GPHN: variants seen among roughly 807,000 people sequenced by gnomAD.
GPHN encodes the protein gephyrin.
GPHN carries 17 observed loss-of-function variants against 95.5 expected under a neutral mutation model. The ratio of observed to expected loss-of-function variants is 0.18; its 90% confidence interval spans 0.12 to 0.27. The LOEUF is 0.27. GPHN is among the 10% of genes least tolerant of loss of function. The pLI, the probability that GPHN is intolerant of heterozygous loss-of-function variation, is 1.00. For missense variants in GPHN, 660 were observed against 978.1 expected (o/e 0.67, Z 4.34); for synonymous variants, 320 against 322.5 (o/e 0.99, Z 0.08).
chr14:67,588,439 G>A, the GPHN span: 1 of 152,414 alleles, frequency 6.6e-6, no homozygotes, highest in Non-Finnish European at 1.5e-5. Context: ...ATTAGTTTGA[G>A]GGTGAGGGTA....
the GPHN span, among the ~76,000 whole-genome samples, chr14:67,429,890 A>C: frequency 6.6e-6 from 1 of 152,186 alleles, no homozygotes; most frequent in Non-Finnish European, 1.5e-5. Flanking sequence ...TAACAGCTTT[A>C]AGAGCTCTGT....
chr14:67,175,709 A>G (rs1257058258), intron 21 of GPHN, among the ~76,000 whole-genome samples: 10 of 152,172 alleles, frequency 6.6e-5, no homozygotes, highest in Admixed American at 6.6e-4. Context: ...CCTATCCATG[A>G]GCATGGAATG....
chr14:67,234,969 A>C, the GPHN span, among the ~76,000 whole-genome samples: 2 of 149,878 alleles, frequency 1.3e-5, no homozygotes, highest in Non-Finnish European at 3.0e-5. Context: ...CAGCCTGGCC[A>C]ACATGGCAAA....
intron 16 of GPHN, among the ~76,000 whole-genome samples, chr14:67,114,854 C>G (rs2078584534): frequency 1.3e-5 from 2 of 152,084 alleles, no homozygotes; most frequent in African/African-American, 2.4e-5. Context: ...TTTAAGCTAC[C>G]TTTTACACTC....
At chr14:67,378,024 G>A in the GPHN span, among the ~76,000 whole-genome samples, 16 of 152,130 alleles carry the variant, frequency 1.1e-4, no homozygotes, top group African/African-American at 3.4e-4. Flanking sequence ...GCTGAGGCAG[G>A]AGGATCACTT....
At chr14:67,111,763 A>G (rs371378442) in intron 14 of GPHN, 98 bp from the exon 15 acceptor site, 24 of 871,674 alleles carry the variant, frequency 2.8e-5, no homozygotes, top group Middle Eastern at 4.3e-4. Flanking sequence ...CTATATTTGT[A>G]TATATCCTGG....
At chr14:66,686,062 T>C (rs1478175596) in intron 2 of GPHN, among the ~76,000 whole-genome samples, 2 of 152,208 alleles carry the variant, frequency 1.3e-5, no homozygotes, top group Non-Finnish European at 2.9e-5. Flanking sequence ...GTTGTAGATG[T>C]GTGGCATTAT....
the GPHN span, among the ~76,000 whole-genome samples, chr14:67,624,991 C>T: frequency 1.3e-5 from 2 of 152,122 alleles, no homozygotes; most frequent in Admixed American, 6.6e-5. Flanking sequence ...AAAGGGAGAA[C>T]AGAGGTGATA....
intron 2 of GPHN, among the ~76,000 whole-genome samples, chr14:66,744,874 A>G (rs2058079584): frequency 6.6e-6 from 1 of 151,988 alleles, no homozygotes; most frequent in Admixed American, 6.6e-5. Flanking sequence ...TTATTTACTT[A>G]TAAGGATTTA....
At chr14:66,662,134 C>G (rs2065697822) in intron 1 of GPHN, among the ~76,000 whole-genome samples, 1 of 152,146 alleles carries the variant, frequency 6.6e-6, no homozygotes, top group Admixed American at 6.5e-5. Context: ...AAGTGGTACA[C>G]CCACACAGCA....
chr14:66,682,734 A>C (rs1185543759), intron 2 of GPHN, among the ~76,000 whole-genome samples: 1 of 152,148 alleles, frequency 6.6e-6, no homozygotes, highest in Non-Finnish European at 1.5e-5. Flanking sequence ...TGGGCGACAG[A>C]GCGAGGCTCC....
chr14:67,687,632 C>T, the GPHN span, among the ~76,000 whole-genome samples: 18 of 151,824 alleles, frequency 1.2e-4, no homozygotes, highest in Admixed American at 8.5e-4. Flanking sequence ...CCAACATGCC[C>T]GGCTAATTTT....
the GPHN span, among the ~76,000 whole-genome samples, chr14:67,315,075 CAG>C: frequency 6.6e-6 from 1 of 151,932 alleles, no homozygotes; most frequent in African/African-American, 2.4e-5. Flanking sequence ...ACCAGTGTAA[CAG>C]AGCAGTCTCA....
At chr14:67,305,641 A>G in the GPHN span, among the ~76,000 whole-genome samples, 1 of 152,258 alleles carries the variant, frequency 6.6e-6, no homozygotes. Flanking sequence ...ATTCTGTAAA[A>G]GAAAAGCCAT....
At chr14:66,846,385 A>C (rs925175003) in intron 4 of GPHN, among the ~76,000 whole-genome samples, 16 of 152,208 alleles carry the variant, frequency 1.1e-4, no homozygotes, top group Non-Finnish European at 2.2e-4. Context: ...AATATGTGAC[A>C]CAAAGACATA....
chr14:67,425,591 TA>T, the GPHN span, among the ~76,000 whole-genome samples: 1 of 152,204 alleles, frequency 6.6e-6, no homozygotes, highest in Non-Finnish European at 1.5e-5. Context: ...TAGTATGAGC[TA>T]AACTGTTTCT....
chr14:67,692,398 C>T, the GPHN span: 7 of 1,608,220 alleles, frequency 4.4e-6, no homozygotes, highest in Non-Finnish European at 5.9e-6. Flanking sequence ...CCATGTTGAC[C>T]TCAAGACCCA....
the GPHN span, chr14:67,646,605 G>T: frequency 6.7e-7 from 1 of 1,503,074 alleles, no homozygotes; most frequent in Non-Finnish European, 9.2e-7. Flanking sequence ...GTGAGAACAA[G>T]AATTCTTGAT....
chr14:67,414,385 C>G, the GPHN span, among the ~76,000 whole-genome samples: 2 of 152,204 alleles, frequency 1.3e-5, no homozygotes, highest in African/African-American at 2.4e-5. Flanking sequence ...ACCAGCCCAC[C>G]AGGGAACCAT....
Sources: gnomAD v4.1 joint callset for allele counts (sites outside exome capture counted in the v4.1 genomes callset) on GRCh38, gnomAD v4.1.1 for gene constraint, MANE v1.5 for transcripts, NCBI Gene and HGNC (gene_info 2026-07-23, HGNC 2026-07-21) for gene names.